SGSM2: variants seen among roughly 807,000 people sequenced by gnomAD.
The protein encoded by SGSM2 is RUN and TBC1 domain containing 1.
SGSM2 carries 89 observed loss-of-function variants against 126.6 expected under a neutral mutation model. That is an observed-to-expected ratio of 0.70 (90% CI 0.59 to 0.84). The LOEUF (loss-of-function observed/expected upper bound fraction) is 0.84, where lower values mean the gene tolerates loss of function less well. SGSM2 is among the 40% of genes least tolerant of loss of function. SGSM2 has a pLI of 0.00. For synonymous variants in SGSM2, 614 were observed against 574.3 expected (o/e 1.07, Z -0.99); for missense variants, 1,404 against 1,416.6 (o/e 0.99, Z 0.14).
Position 2,362,871 on chromosome 17 carries a change from C to A in SGSM2, c.492C>A (p.Asp164Glu), listed in dbSNP as rs2065380472. The A allele has an allele frequency of 4.3e-6, 7 of 1,614,192 alleles. No homozygotes were observed. Among genetic ancestry groups the A allele is most frequent in the Non-Finnish European group, 5.9e-6 (7 of 1,180,046 alleles). ...KYYEKEALLA[D>E]PVFGPILASL... is the part of the protein sequence containing the mutation. ...ACGAGAAGGAGGCACTGCTGGCAGA[C>A]CCTGTGTTCGGCCCGATCCTGGCCT... Residue 164 changes from aspartate to glutamate, a missense_variant, in exon 5 of 24, where the codon GAC (aspartate) becomes GAA (glutamate). By Grantham distance (45) the Asp-to-Glu change is conservative. Transcript: ENST00000268989. This position sits in a 1 kb window ranked among gnomAD's most constrained non-coding sequence, Gnocchi z 4.9.
intron 1 of SGSM2, among the ~76,000 whole-genome samples, chr17:2,342,348 C>T (rs943327361): frequency 4.6e-5 from 7 of 151,898 alleles, no homozygotes; most frequent in Non-Finnish European, 7.4e-5. Context: ...CTCTTGAACC[C>T]GGGAGTTGGA....
rs758494152 is a variant in SGSM2 at position 2,363,156 on chromosome 17, T to A, written c.672+22T>A. ...GGGGGTAGGTGCCCCCTCCCCACCC[T>A]TTGGGCTCATCTGGGCTATGCCCAT... On this transcript the variant is annotated intron_variant, in intron 6 of 23. Coordinates refer to ENST00000268989, the MANE Select transcript of SGSM2 (RefSeq NM_014853.3). This position sits in a 1 kb window ranked among gnomAD's most constrained non-coding sequence, Gnocchi z 4.2. 6 of 1,573,756 alleles carry A rather than the reference T, an allele frequency of 3.8e-6. No homozygotes were observed. In the East Asian group the frequency reaches 1.4e-4, roughly 37 times the overall value.
rs745400 is a variant in SGSM2 at position 2,363,505 on chromosome 17, G to T, written c.713G>T (p.Arg238Met). ...TCAAGCGGCAGCGCGTCGGAGGACA[G>T]GCTGGCTGCCTGTGCCCGCGAGTGT... Reference protein sequence around the residue: ...RHSSGSASEDRLAACARECVE... With the variant: ...RHSSGSASEDMLAACARECVE... The change falls in exon 7 of 24, where the codon AGG becomes ATG. Residue 238 changes from arginine (R) to methionine (M), a missense_variant. Physicochemically the swap from Arg to Met is moderately conservative, Grantham distance 91 (BLOSUM62 -1). Transcript: ENST00000268989. The surrounding 1 kb of genome is among the most constrained non-coding windows in gnomAD (Gnocchi z 4.2). 1 of 1,613,080 alleles carries T rather than the reference G, an allele frequency of 6.2e-7. No individual in the cohort carries two copies. Among genetic ancestry groups the T allele is most frequent in the Non-Finnish European group, 8.5e-7 (1 of 1,179,830 alleles).
In SGSM2 at chr17:2,375,596, C is replaced by T. The variant is rs776633442; in HGVS notation, c.2205C>T (p.Ala735=). The T allele has an allele frequency of 1.9e-5, 30 of 1,613,822 alleles. No individual in the cohort carries two copies. The highest frequency in any genetic ancestry group is 1.1e-4 in the East Asian group (5 of 44,890). Residue 735 remains alanine, a synonymous_variant, in exon 18 of 24, where the codon GCC becomes GCT. Coordinates refer to ENST00000268989, the MANE Select transcript of SGSM2 (RefSeq NM_014853.3). ...CAGGACCCGGGACTCCGGGCACCGC[C>T]GTGGTGGAGCAGCAGCATTCCGTGG... ...QEAGPGTPGT[A]VVEQQHSVEF...
At chr17:2,343,395 T>C in intron 1 of SGSM2, 150 bp from the exon 2 acceptor site, 1 of 707,544 alleles carries the variant, frequency 1.4e-6, no homozygotes, top group Non-Finnish European at 2.5e-6. Context: ...TGAAGAAACT[T>C]TGCTTCCCCA....
chr17:2,363,833 G>C lies in SGSM2; in HGVS notation c.808-226G>C. The stretch of plus-strand genomic sequence containing the variant: ...CCGCAGTGTGGGTATGGCTGGCCTG[G>C]AATGGACCTGGCATCCAGGAGGCTG... On this transcript the variant is annotated intron_variant, in intron 7 of 23. Coordinates refer to ENST00000268989, the MANE Select transcript of SGSM2 (RefSeq NM_014853.3). This position sits in a 1 kb window ranked among gnomAD's most constrained non-coding sequence, Gnocchi z 4.2. 1 of 790,008 alleles carries C rather than the reference G, an allele frequency of 1.3e-6. No homozygotes were observed. The highest frequency in any genetic ancestry group is 1.8e-5 in the South Asian group (1 of 55,488). 48.9% of individuals were successfully genotyped at this position (790,008 alleles called of 1,614,324 possible). A position where few individuals can be genotyped will look rare whatever the true frequency, so the allele number is the denominator to read the frequency against.
At chr17:2,373,199 G>A (rs2065961447) in intron 16 of SGSM2, 118 bp downstream of exon 16, 11 of 1,544,860 alleles carry the variant, frequency 7.1e-6, no homozygotes, top group Non-Finnish European at 7.9e-6. Flanking sequence ...TGGCAGGGCA[G>A]CTCCACCGTC....
chr17:2,347,094 C>CGTTT (rs1326953881), intron 2 of SGSM2, among the ~76,000 whole-genome samples: 4 of 151,728 alleles, frequency 2.6e-5, no homozygotes, highest in East Asian at 3.9e-4. Context: ...GACCCTGTCT[C>CGTTT]GTTTGTTTGT....
At chr17:2,379,291 G>A in intron 23 of SGSM2, 88 bp downstream of exon 23, 1 of 1,568,618 alleles carries the variant, frequency 6.4e-7, no homozygotes, top group Non-Finnish European at 8.7e-7. Context: ...AGGGTTCTCA[G>A]GAATCCTGGG....
intron 17 of SGSM2, chr17:2,374,638 C>G (rs2066041703): frequency 6.6e-6 from 1 of 152,202 alleles, no homozygotes; most frequent in Non-Finnish European, 1.5e-5. Context: ...TTCCCACGTG[C>G]TTTGTTCTTA....
rs2064150872 is a variant in SGSM2, at chr17:2,337,876, C to G, written c.57+131C>G. Reference sequence around the variant, plus strand: ...TGGGCCGGGCGGGGCGGGTCCTGGACGGGCTGCGCCTCCTTCCCCTTTCTC... The same window carrying G: ...TGGGCCGGGCGGGGCGGGTCCTGGAGGGGCTGCGCCTCCTTCCCCTTTCTC... On this transcript the variant is annotated intron_variant, in intron 1 of 23. Transcript: ENST00000268989. The surrounding 1 kb of genome is among the most constrained non-coding windows in gnomAD (Gnocchi z 5.1). The G allele has an allele frequency of 2.1e-6, 1 of 468,324 alleles. No individual in the cohort carries two copies. Among genetic ancestry groups the G allele is most frequent in the African/African-American group, 2.1e-5 (1 of 47,784 alleles). 29.0% of individuals were successfully genotyped at this position (468,324 alleles called of 1,614,324 possible).
At chr17:2,348,364 G>A (rs1309893018) in intron 2 of SGSM2, among the ~76,000 whole-genome samples, 1 of 152,108 alleles carries the variant, frequency 6.6e-6, no homozygotes, top group Admixed American at 6.6e-5. Flanking sequence ...AGACCAGCCT[G>A]AGCAAAAAAG....
At position 2,380,258 on chromosome 17, in the gene SGSM2, G is replaced by A. The variant is rs928377648; in HGVS notation, c.*738G>A. 61 of 1,535,934 alleles carry A rather than the reference G, an allele frequency of 4.0e-5. No individual in the cohort carries two copies. The highest frequency in any genetic ancestry group is 5.0e-5 in the Non-Finnish European group (57 of 1,146,902). ...TCCTGCCACCCCACCCTTGCGTTCT[G>A]CATTAGGTACTTCCCTGAAAACCAC... is the stretch of plus-strand genomic sequence containing the variant. On this transcript the variant is annotated 3_prime_UTR_variant, in exon 24 of 24. Transcript: ENST00000268989.
At chr17:2,373,576 G>A (rs2065988101) in intron 17 of SGSM2, 63 bp downstream of exon 17, 3 of 1,441,620 alleles carry the variant, frequency 2.1e-6, no homozygotes, top group Admixed American at 3.8e-5. Flanking sequence ...TATGCACAGT[G>A]GTCCTGAGCA....
intron 20 of SGSM2, 33 bp downstream of exon 20, chr17:2,376,848 G>GT (rs776493908): frequency 2.5e-6 from 4 of 1,612,984 alleles, no homozygotes; most frequent in Non-Finnish European, 3.4e-6. Context: ...ACTGGGCTGC[G>GT]TAAGCTGGAG....
chr17:2,347,933 C>T (rs1226494984), intron 2 of SGSM2, among the ~76,000 whole-genome samples: 1 of 152,166 alleles, frequency 6.6e-6, no homozygotes, highest in Admixed American at 6.5e-5. Flanking sequence ...TCCCCACCCC[C>T]CAGGGATTGG....
rs1418793858 is a variant in SGSM2, at chr17:2,362,711, A to C, written c.459-127A>C. 13 of 942,054 alleles carry C rather than the reference A, an allele frequency of 1.4e-5. No individual in the cohort carries two copies. Among genetic ancestry groups the C allele is most frequent in the Non-Finnish European group, 2.1e-5 (13 of 609,634 alleles). The allele number at this position is 942,054 out of a possible 1,614,324, so 58.4% of individuals were successfully genotyped here. ...AGGCACCTCACGAAGCCCAGTCCCT[A>C]AGGACTCACTGTTTCTTGATGACTG... On this transcript the variant is annotated intron_variant, in intron 4 of 23. Transcript: ENST00000268989. This position sits in a 1 kb window ranked among gnomAD's most constrained non-coding sequence, Gnocchi z 4.9.
rs1050502038 is a variant in SGSM2, at chr17:2,367,062, G to A, written c.1289-209G>A. ...AGAGAGGCTGCCTCCGAAGAGTGAGGTTCTGCAGCTGCCCCAGCCCCTCGC... is the reference window on the plus strand; with the variant it reads ...AGAGAGGCTGCCTCCGAAGAGTGAGATTCTGCAGCTGCCCCAGCCCCTCGC... On this transcript the variant is annotated intron_variant, in intron 11 of 23. Coordinates refer to ENST00000268989, the MANE Select transcript of SGSM2 (RefSeq NM_014853.3). This position sits in a 1 kb window ranked among gnomAD's most constrained non-coding sequence, Gnocchi z 4.0. 2 of 563,868 alleles carry A rather than the reference G, an allele frequency of 3.5e-6. No individual in the cohort carries two copies. The highest frequency in any genetic ancestry group is 3.1e-5 in the Admixed American group (1 of 32,232). The allele number at this position is 563,868 out of a possible 1,614,324, so 34.9% of individuals were successfully genotyped here. A position where few individuals can be genotyped will look rare whatever the true frequency, so the allele number is the denominator to read the frequency against.
rs758638046 is a variant in SGSM2, at chr17:2,371,433, G to A, written c.1577+18G>A. 72 of 1,574,390 alleles carry A rather than the reference G, an allele frequency of 4.6e-5. No individual in the cohort carries two copies. Among genetic ancestry groups the A allele is most frequent in the Middle Eastern group, 4.0e-4 (2 of 4,958 alleles). On this transcript the variant is annotated intron_variant, in intron 13 of 23. Coordinates refer to ENST00000268989, the MANE Select transcript of SGSM2 (RefSeq NM_014853.3). ...CCCGACCGGTGAGTGGGCAGCGCTC[G>A]GCCCCAGCTTCCCGTTAGCGTGTCC...
Sources: allele counts gnomAD v4.1 joint callset (sites outside exome capture counted in the v4.1 genomes callset), GRCh38; gene constraint gnomAD v4.1.1; non-coding constraint Gnocchi (gnomAD v3.1); transcripts MANE v1.5; gene names NCBI Gene and HGNC (gene_info 2026-07-23, HGNC 2026-07-21).